The following UHRF2 variants were observed in gnomAD, a reference collection of about 807,000 sequenced individuals.
UHRF2 encodes the protein E3 ubiquitin-protein ligase UHRF2.
UHRF2 carries 23 observed loss-of-function variants against 96.8 expected under a neutral mutation model. The observed-to-expected ratio is 0.24, with a 90% CI of 0.17 to 0.34. The LOEUF (loss-of-function observed/expected upper bound fraction) is 0.34, where lower values mean the gene tolerates loss of function less well. Ranked by LOEUF, UHRF2 falls within the 10% of genes least tolerant of loss-of-function variation. The pLI is 1.00. For synonymous variants in UHRF2, 385 were observed against 332.6 expected, an observed-to-expected ratio of 1.16 and a Z score of -1.72; for missense variants, 685 against 981.5, an observed-to-expected ratio of 0.70 and a Z score of 4.04.
intron 10 of UHRF2, 181 bp from the exon 11 acceptor site, chr9:6,497,017 A>C: frequency 1.7e-6 from 1 of 597,910 alleles, no homozygotes; most frequent in Non-Finnish European, 2.7e-6. Flanking sequence ...ACATCAGAAA[A>C]CTGATTTGTC....
chr9:6,449,623 G>A (rs1821733017), intron 3 of UHRF2: 1 of 152,184 alleles, frequency 6.6e-6, no homozygotes, highest in African/African-American at 2.4e-5. Context: ...TATATGGGTT[G>A]GCCCTGGCCT....
intron 2 of UHRF2, among the ~76,000 whole-genome samples, chr9:6,432,229 T>G (rs1179342860): frequency 2.6e-5 from 4 of 152,242 alleles, no homozygotes; most frequent in Non-Finnish European, 2.9e-5. Context: ...TTAAACTTTA[T>G]GTCTTTCAAG....
At chr9:6,471,346 C>G (rs1468597130) in intron 4 of UHRF2, among the ~76,000 whole-genome samples, 7 of 152,210 alleles carry the variant, frequency 4.6e-5, no homozygotes, top group Non-Finnish European at 5.9e-5. Context: ...TTGAAAATAG[C>G]AGCTATGGTA....
intron 14 of UHRF2, among the ~76,000 whole-genome samples, chr9:6,501,057 C>G (rs1816266609): frequency 2.0e-5 from 3 of 152,164 alleles, no homozygotes; most frequent in Non-Finnish European, 4.4e-5. Flanking sequence ...CCGCATAAGT[C>G]TTAAGCAGTT....
At chr9:6,475,552 C>G in intron 5 of UHRF2, 52 bp downstream of exon 5, 2 of 1,095,632 alleles carry the variant, frequency 1.8e-6, no homozygotes. Context: ...CATGATTGAA[C>G]TTTATTTTTA....
At chr9:6,477,865 A>G (rs1823680248) in intron 6 of UHRF2, 57 bp downstream of exon 6, 1 of 1,423,160 alleles carries the variant, frequency 7.0e-7, no homozygotes, top group South Asian at 1.4e-5. Context: ...TGAAATATGT[A>G]TTTGAACCAC....
chr9:6,497,909 A>G lies in UHRF2; in HGVS notation c.1768-109A>G, dbSNP rs1825066537. ...CTTACTGTCCTTACAGCAAAGCAGA[A>G]TATTCAGAAGTTGCATTTAGTTCTG... is the stretch of plus-strand genomic sequence containing the variant. On this transcript the variant is annotated intron_variant, in intron 11 of 15. Transcript: ENST00000276893. 3 of 1,374,634 alleles carry G rather than the reference A, an allele frequency of 2.2e-6. No individual in the cohort carries two copies. In the Admixed American group the frequency reaches 6.4e-5, roughly 29 times the overall value. The allele number at this position is 1,374,634 out of a possible 1,614,324, so 85.2% of individuals were successfully genotyped here. A position where few individuals can be genotyped will look rare whatever the true frequency, so the allele number is the denominator to read the frequency against.
intron 2 of UHRF2, among the ~76,000 whole-genome samples, chr9:6,428,542 T>TG (rs1325000275): frequency 4.5e-3 from 43 of 9,652 alleles, no homozygotes; most frequent in African/African-American, 0.013. Flanking sequence ...GCTTTTTTTT[T>TG]TTTTTTTTTT....
intron 9 of UHRF2, chr9:6,492,204 A>T: frequency 2.6e-6 from 1 of 382,388 alleles, no homozygotes; most frequent in Middle Eastern, 6.2e-4. Context: ...AAGAATAATC[A>T]GAAATGTTTT....
intron 1 of UHRF2, among the ~76,000 whole-genome samples, chr9:6,418,455 G>C (rs1306868214): frequency 6.6e-6 from 1 of 152,064 alleles, no homozygotes. Flanking sequence ...CTTGACAAAT[G>C]TGAATACCTG....
At chr9:6,435,277 A>G (rs1820774518) in intron 3 of UHRF2, among the ~76,000 whole-genome samples, 1 of 152,084 alleles carries the variant, frequency 6.6e-6, no homozygotes, top group African/African-American at 2.4e-5. Context: ...TACAGGCGTA[A>G]GCCACCACAC....
chr9:6,470,350 C>T (rs1301517793), intron 4 of UHRF2, among the ~76,000 whole-genome samples: 12 of 147,618 alleles, frequency 8.1e-5, no homozygotes, highest in Non-Finnish European at 3.0e-5. Context: ...CAGAGCAAGA[C>T]TCCATCTCAA....
chr9:6,462,910 C>CT (rs1822636884), intron 4 of UHRF2, among the ~76,000 whole-genome samples: 1 of 149,380 alleles, frequency 6.7e-6, no homozygotes, highest in Non-Finnish European at 1.5e-5. Flanking sequence ...GAGCGAGACT[C>CT]TGTCTAAAAA....
intron 3 of UHRF2, chr9:6,434,441 T>C (rs1820717845): frequency 4.4e-6 from 1 of 228,194 alleles, no homozygotes; most frequent in Non-Finnish European, 8.0e-6. Flanking sequence ...TTTTCTCTAT[T>C]AGGTGGGCTT....
intron 3 of UHRF2, chr9:6,449,326 A>T (rs538051888): frequency 3.3e-5 from 5 of 152,200 alleles, no homozygotes; most frequent in Non-Finnish European, 7.3e-5. Flanking sequence ...TGTTAATTTC[A>T]CACCTGAGCT....
At chr9:6,445,038 C>T (rs1821403571) in intron 3 of UHRF2, among the ~76,000 whole-genome samples, 1 of 150,794 alleles carries the variant, frequency 6.6e-6, no homozygotes, top group Non-Finnish European at 1.5e-5. Context: ...CACCTGTAAT[C>T]CTAGCACTTT....
At chr9:6,466,001 A>T (rs1185576533) in intron 4 of UHRF2, among the ~76,000 whole-genome samples, 1 of 152,250 alleles carries the variant, frequency 6.6e-6, no homozygotes, top group Non-Finnish European at 1.5e-5. Context: ...TTCACTTACT[A>T]CTGTAATATA....
At chr9:6,434,338 T>C in intron 3 of UHRF2, 165 bp downstream of exon 3, 1 of 739,210 alleles carries the variant, frequency 1.4e-6, no homozygotes, top group South Asian at 2.2e-5. Context: ...TTAAAGGTCC[T>C]TTTAGCTCTC....
At chr9:6,435,264 G>A (rs1820772937) in intron 3 of UHRF2, among the ~76,000 whole-genome samples, 2 of 152,080 alleles carry the variant, frequency 1.3e-5, no homozygotes, top group Non-Finnish European at 2.9e-5. Context: ...AAAGTGCTGG[G>A]ATTACAGGCG....
Sources: gnomAD v4.1 joint callset for allele counts (sites outside exome capture counted in the v4.1 genomes callset) on GRCh38, gnomAD v4.1.1 for gene constraint, MANE v1.5 for transcripts, NCBI Gene and HGNC (gene_info 2026-07-23, HGNC 2026-07-21) for gene names.